Variants in VTI1A observed in about 807,000 individuals in gnomAD.
The protein encoded by VTI1A is vesicle transport through interaction with t-SNAREs homolog 1A.
A neutral mutation model predicts 34.9 loss-of-function variants in VTI1A; 22 were observed. The observed-to-expected ratio is 0.63, with a 90% CI of 0.45 to 0.90. VTI1A has a LOEUF of 0.90. Ranked by LOEUF, VTI1A falls within the 40% of genes least tolerant of loss-of-function variation. The pLI, the probability that VTI1A is intolerant of heterozygous loss-of-function variation, is 0.00. For missense variants in VTI1A, 268 were observed against 275.6 expected, an observed-to-expected ratio of 0.97 and a Z score of 0.20; for synonymous variants, 87 against 97.3, an observed-to-expected ratio of 0.89 and a Z score of 0.62.
intron 3 of VTI1A, among the ~76,000 whole-genome samples, chr10:112,501,638 G>T (rs1294791519): frequency 6.6e-6 from 1 of 151,400 alleles, no homozygotes; most frequent in Non-Finnish European, 1.5e-5. Flanking sequence ...AAACCTTTTT[G>T]CTACTCCCTC....
At chr10:112,701,199 C>A (rs761301537) in intron 7 of VTI1A, among the ~76,000 whole-genome samples, 1 of 152,180 alleles carries the variant, frequency 6.6e-6, no homozygotes, top group African/African-American at 2.4e-5. Context: ...TTAAAGGTGA[C>A]TGAAATCCTT....
intron 5 of VTI1A, among the ~76,000 whole-genome samples, chr10:112,573,476 T>C (rs1185915484): frequency 6.6e-6 from 1 of 152,228 alleles, no homozygotes; most frequent in Non-Finnish European, 1.5e-5. Flanking sequence ...CAATGGTATT[T>C]GCATGTTTGG....
chr10:112,652,555 T>C (rs992785302), intron 5 of VTI1A, among the ~76,000 whole-genome samples: 3 of 151,904 alleles, frequency 2.0e-5, no homozygotes, highest in African/African-American at 7.3e-5. Context: ...ACCCCATCTC[T>C]ACAAAACATT....
At chr10:112,850,833 G>T in the VTI1A span, among the ~76,000 whole-genome samples, 2 of 152,154 alleles carry the variant, frequency 1.3e-5, no homozygotes, top group Non-Finnish European at 2.9e-5. Context: ...GTGCAACTGT[G>T]CAGGTGGCAT....
chr10:112,582,171 G>T (rs917906853), intron 5 of VTI1A, among the ~76,000 whole-genome samples: 8 of 152,138 alleles, frequency 5.3e-5, no homozygotes, highest in Non-Finnish European at 1.0e-4. Flanking sequence ...CTTGCAGATG[G>T]CTGTCTTCTT....
At chr10:112,845,744 A>C in the VTI1A span, among the ~76,000 whole-genome samples, 1 of 152,138 alleles carries the variant, frequency 6.6e-6, no homozygotes, top group Non-Finnish European at 1.5e-5. Context: ...GGGGCCGGAC[A>C]TGGTGGCTCA....
intron 5 of VTI1A, among the ~76,000 whole-genome samples, chr10:112,605,484 G>A (rs1038907221): frequency 1.3e-5 from 2 of 152,168 alleles, no homozygotes; most frequent in African/African-American, 4.8e-5. Context: ...TTCTGAGCGT[G>A]TGCTGCTTTC....
chr10:112,699,420 C>G (rs1189261088), intron 7 of VTI1A, among the ~76,000 whole-genome samples: 2 of 152,156 alleles, frequency 1.3e-5, no homozygotes, highest in Non-Finnish European at 2.9e-5. Context: ...TGGAGGAGAG[C>G]TGAGAAAAAT....
In VTI1A at chr10:112,694,749, A is replaced by T. The variant is rs139278633; in HGVS notation, c.560+25751A>T. Among the ~76,000 whole-genome samples, 151 of 152,194 alleles carry T rather than the reference A, an allele frequency of 9.9e-4. 1 individual carries two copies. The highest frequency in any genetic ancestry group is 3.5e-3 in the African/African-American group (147 of 41,528). On this transcript the variant is annotated intron_variant, in intron 7 of 7. Transcript: ENST00000393077. Reference sequence around the variant, plus strand: ...TTTGGGAGGCGGAGGCGGGCAGATCACCTGAAGTCAGGAGTTCGAGACTAG... The same window carrying T: ...TTTGGGAGGCGGAGGCGGGCAGATCTCCTGAAGTCAGGAGTTCGAGACTAG...
chr10:112,597,922 C>T (rs910406280), intron 5 of VTI1A, among the ~76,000 whole-genome samples: 15 of 151,386 alleles, frequency 9.9e-5, no homozygotes, highest in Non-Finnish European at 2.2e-4. Flanking sequence ...TGGTCTCGAT[C>T]TCCTGACCTC....
chr10:112,486,179 G>A (rs573402749), intron 3 of VTI1A, among the ~76,000 whole-genome samples: 11 of 152,192 alleles, frequency 7.2e-5, no homozygotes, highest in Admixed American at 2.0e-4. Flanking sequence ...AGAAAATTTT[G>A]GTTTATGGAG....
intron 5 of VTI1A, among the ~76,000 whole-genome samples, chr10:112,589,645 C>T (rs564172944): frequency 3.9e-5 from 6 of 152,256 alleles, no homozygotes; most frequent in African/African-American, 9.6e-5. Context: ...GTGTGTGACA[C>T]GGTTGCAAGT....
intron 7 of VTI1A, among the ~76,000 whole-genome samples, chr10:112,760,217 A>G (rs995737001): frequency 6.6e-6 from 1 of 152,188 alleles, no homozygotes; most frequent in African/African-American, 2.4e-5. Flanking sequence ...TGAACCATGG[A>G]TAGTACTAAG....
At chr10:112,629,731 C>T (rs1254921362) in intron 5 of VTI1A, among the ~76,000 whole-genome samples, 1 of 152,206 alleles carries the variant, frequency 6.6e-6, no homozygotes, top group African/African-American at 2.4e-5. Context: ...GCTAAGCTTG[C>T]TAAGTTTCAA....
intron 7 of VTI1A, among the ~76,000 whole-genome samples, chr10:112,722,834 T>A (rs574863786): frequency 2.2e-4 from 33 of 152,274 alleles, no homozygotes; most frequent in African/African-American, 7.9e-4. Context: ...GAAGAGCTCA[T>A]CTAATCAGTC....
At chr10:112,454,400 G>T (rs1847352359) in intron 1 of VTI1A, among the ~76,000 whole-genome samples, 1 of 152,128 alleles carries the variant, frequency 6.6e-6, no homozygotes, top group African/African-American at 2.4e-5. Context: ...CTCAAGATCA[G>T]CCTGGGCAAC....
At chr10:112,568,448 A>G (rs1185917199) in intron 5 of VTI1A, among the ~76,000 whole-genome samples, 1 of 152,078 alleles carries the variant, frequency 6.6e-6, no homozygotes, top group African/African-American at 2.4e-5. Context: ...CGGAGGTTGC[A>G]GTGAGCTGAG....
intron 5 of VTI1A, among the ~76,000 whole-genome samples, chr10:112,599,205 A>AG (rs1248053757): frequency 1.3e-5 from 2 of 152,126 alleles, no homozygotes; most frequent in African/African-American, 2.4e-5. Flanking sequence ...AGCAGCTTGC[A>AG]GAGTAGGATT....
At chr10:112,583,388 G>A (rs947025728) in intron 5 of VTI1A, among the ~76,000 whole-genome samples, 1 of 152,114 alleles carries the variant, frequency 6.6e-6, no homozygotes, top group Non-Finnish European at 1.5e-5. Flanking sequence ...GTGTATATCC[G>A]CTTTATCAGG....
Sources: allele counts gnomAD v4.1 joint callset (sites outside exome capture counted in the v4.1 genomes callset), GRCh38; gene constraint gnomAD v4.1.1; transcripts MANE v1.5; gene names NCBI Gene and HGNC (gene_info 2026-07-23, HGNC 2026-07-21).